Variants in CUL3 observed in about 807,000 individuals in gnomAD.
CUL3 encodes cullin 3.
In CUL3, 19 loss-of-function variants were observed where a neutral mutation model predicts 89.1. That is an observed-to-expected ratio of 0.21 (90% CI 0.15 to 0.31). The LOEUF is 0.31. Among genes scored for constraint, CUL3 ranks in the 10% least tolerant of loss-of-function variants. The pLI is 1.00. For synonymous variants in CUL3, 351 were observed against 308.4 expected (o/e 1.14, Z -1.45); for missense variants, 469 against 942.3 (o/e 0.50, Z 6.58).
At chr2:224,572,921 G>T (rs1695215905) in intron 1 of CUL3, among the ~76,000 whole-genome samples, 1 of 152,118 alleles carries the variant, frequency 6.6e-6, no homozygotes, top group South Asian at 2.1e-4. Flanking sequence ...GTGAGAAAAT[G>T]CATTTCTGTT....
intron 13 of CUL3, among the ~76,000 whole-genome samples, chr2:224,490,485 C>T (rs534538174): frequency 1.3e-5 from 2 of 151,676 alleles, no homozygotes; most frequent in African/African-American, 4.8e-5. Flanking sequence ...GGGGCCCTAC[C>T]GGTTTCCGCG....
chr2:224,572,630 G>GAAAAAAA (rs67105454), intron 1 of CUL3, among the ~76,000 whole-genome samples: 2 of 86,296 alleles, frequency 2.3e-5, no homozygotes, highest in Non-Finnish European at 4.5e-5. Context: ...GAGAGTGAGA[G>GAAAAAAA]AAAAAAAAAA....
intron 1 of CUL3, among the ~76,000 whole-genome samples, chr2:224,577,494 G>A (rs1182923617): frequency 2.6e-5 from 4 of 151,876 alleles, no homozygotes; most frequent in African/African-American, 4.8e-5. Flanking sequence ...GCGTGAACCC[G>A]GGAGGTGGAG....
At chr2:224,548,132 T>C (rs1694372289) in intron 2 of CUL3, among the ~76,000 whole-genome samples, 1 of 152,238 alleles carries the variant, frequency 6.6e-6, no homozygotes, top group African/African-American at 2.4e-5. Flanking sequence ...CTTGAAACCA[T>C]GTCCCCTTCA....
Position 224,585,041 on chromosome 2 carries a change from G to C in CUL3, c.-32C>G. 6.8e-7 allele frequency: 1 copy of C among 1,472,908 alleles called. No homozygotes were observed. The highest frequency in any genetic ancestry group is 2.9e-5 in the East Asian group (1 of 34,414). 91.2% of individuals were successfully genotyped at this position (1,472,908 alleles called of 1,614,324 possible). A position where few individuals can be genotyped will look rare whatever the true frequency, so the allele number is the denominator to read the frequency against. ...CGTCCCCTCCCCGGCGGCGGCTTCA[G>C]GTCGCGCTCCGCGACGCCGGTGTCA... On this transcript the variant is annotated 5_prime_UTR_variant, in exon 1 of 16. Coordinates refer to ENST00000264414, the MANE Select transcript of CUL3 (RefSeq NM_003590.5).
intron 1 of CUL3, among the ~76,000 whole-genome samples, chr2:224,560,075 CCT>C (rs1694856031): frequency 6.6e-6 from 1 of 151,988 alleles, no homozygotes; most frequent in African/African-American, 2.4e-5. Flanking sequence ...AGAGCAAGAC[CCT>C]GTCTCAAAAA....
At chr2:224,565,892 C>A (rs1695030108) in intron 1 of CUL3, among the ~76,000 whole-genome samples, 1 of 152,180 alleles carries the variant, frequency 6.6e-6, no homozygotes, top group South Asian at 2.1e-4. Context: ...AATAATGTAT[C>A]ATTTCAGGCT....
chr2:224,527,409 C>T (rs555725774), intron 3 of CUL3, among the ~76,000 whole-genome samples: 1 of 152,164 alleles, frequency 6.6e-6, no homozygotes, highest in Admixed American at 6.5e-5. Flanking sequence ...TTCTGGCCTC[C>T]AAAAAGGCAC....
chr2:224,561,877 A>C (rs1202223053), intron 1 of CUL3, among the ~76,000 whole-genome samples: 2 of 151,624 alleles, frequency 1.3e-5, no homozygotes, highest in African/African-American at 2.4e-5. Flanking sequence ...AAACTAAGAC[A>C]CTATCTCTTG....
At position 224,585,152 on chromosome 2, in the gene CUL3, C is replaced by G. The variant is rs556768798; in HGVS notation, c.-143G>C. ...GGCAGGGCTGGGGAGCTGGCCGGCC[C>G]CTGGGCAGCCGCGGCGGCGGCGGGG... is the stretch of plus-strand genomic sequence containing the variant. On this transcript the variant is annotated 5_prime_UTR_variant, in exon 1 of 16. Transcript: ENST00000264414. The G allele has an allele frequency of 1.4e-5, 6 of 421,916 alleles. No homozygotes were observed. Among genetic ancestry groups the G allele is most frequent in the Non-Finnish European group, 2.0e-5 (6 of 298,942 alleles). The allele number at this position is 421,916 out of a possible 1,614,324, so 26.1% of individuals were successfully genotyped here.
intron 1 of CUL3, 41 bp from the exon 2 acceptor site, chr2:224,557,897 A>AC: frequency 1.7e-6 from 2 of 1,148,618 alleles, no homozygotes; most frequent in East Asian, 2.6e-5. Flanking sequence ...AAAAAAAAAA[A>AC]AAAAAAAACC....
intron 2 of CUL3, among the ~76,000 whole-genome samples, chr2:224,552,273 T>C (rs1574687065): frequency 6.6e-6 from 1 of 152,232 alleles, no homozygotes; most frequent in Non-Finnish European, 1.5e-5. Flanking sequence ...CCTGTGTAAG[T>C]TGAAATGTTT....
At chr2:224,529,461 CAA>C (rs34911671) in intron 3 of CUL3, among the ~76,000 whole-genome samples, 22,815 of 127,366 alleles carry the variant, frequency 0.18, 2,014 homozygotes, top group South Asian at 0.29. Flanking sequence ...ACTAAAAATA[CAA>C]AAAAAAAAAA....
Position 224,514,608 on chromosome 2 carries a change from T to G in CUL3, c.539+4A>C, listed in dbSNP as rs200164153. The G allele has an allele frequency of 6.2e-7, 1 of 1,601,432 alleles. No homozygotes were observed. The highest frequency in any genetic ancestry group is 8.5e-7 in the Non-Finnish European group (1 of 1,172,904). ...AACCACAAGAGTAAAGAGAGAAATT[T>G]TACCTGTCTACGACTTCTCCTTTCC... On this transcript the variant is annotated splice_donor_region_variant and intron_variant, in intron 4 of 15. Coordinates refer to ENST00000264414, the MANE Select transcript of CUL3 (RefSeq NM_003590.5).
In CUL3 at chr2:224,473,346, G is replaced by A. The variant is rs1050450410; in HGVS notation, c.*899C>T. The A allele has an allele frequency of 1.0e-5, 2 of 194,158 alleles. No homozygotes were observed. Among genetic ancestry groups the A allele is most frequent in the Non-Finnish European group, 2.2e-5 (2 of 93,022 alleles). The allele number at this position is 194,158 out of a possible 1,614,324, so 12.0% of individuals were successfully genotyped here. On this transcript the variant is annotated 3_prime_UTR_variant, in exon 16 of 16. Coordinates refer to ENST00000264414, the MANE Select transcript of CUL3 (RefSeq NM_003590.5). ...TATAGACTGTATGTGCTTTTCAGAG[G>A]GGCTGAATTAAATATAACCAGCTGC...
At chr2:224,500,099 A>T in intron 11 of CUL3, 1 of 307,582 alleles carries the variant, frequency 3.3e-6, no homozygotes, top group Non-Finnish European at 6.2e-6. Flanking sequence ...CTCTTTTTCC[A>T]TTTTTACTGC....
chr2:224,509,698 G>C (rs1692741828), intron 6 of CUL3, among the ~76,000 whole-genome samples: 1 of 152,226 alleles, frequency 6.6e-6, no homozygotes. Flanking sequence ...ACAGGTTACA[G>C]AGATGCTGTA....
At chr2:224,475,447 G>A (rs1691284080) in intron 15 of CUL3, among the ~76,000 whole-genome samples, 1 of 152,174 alleles carries the variant, frequency 6.6e-6, no homozygotes, top group Admixed American at 6.5e-5. Context: ...AAACCTTTCT[G>A]ACCTCAAAGT....
At chr2:224,556,937 CT>C (rs1206750272) in intron 2 of CUL3, among the ~76,000 whole-genome samples, 2 of 151,958 alleles carry the variant, frequency 1.3e-5, no homozygotes, top group South Asian at 4.2e-4. Flanking sequence ...ATTCATGAAA[CT>C]TTTTTTTCAA....
Sources: allele counts gnomAD v4.1 joint callset (sites outside exome capture counted in the v4.1 genomes callset), GRCh38; gene constraint gnomAD v4.1.1; transcripts MANE v1.5; gene names NCBI Gene and HGNC (gene_info 2026-07-23, HGNC 2026-07-21).